The following LARP6 variants were observed in gnomAD, a reference collection of about 807,000 sequenced individuals.
The protein encoded by LARP6 is la-related protein 6.
In LARP6, 18 loss-of-function variants were observed where a neutral mutation model predicts 32.8. The observed-to-expected ratio is 0.55, with a 90% CI of 0.38 to 0.81. The LOEUF is 0.81. Among genes scored for constraint, LARP6 ranks in the 40% least tolerant of loss-of-function variants. The pLI, the probability that LARP6 is intolerant of heterozygous loss-of-function variation, is 0.00. For synonymous variants in LARP6, 289 were observed against 267.2 expected, an observed-to-expected ratio of 1.08 and a Z score of -0.80; for missense variants, 598 against 663.1, an observed-to-expected ratio of 0.90 and a Z score of 1.08.
At chr15:70,852,152 G>C in intron 1 of LARP6, 1 of 370,390 alleles carries the variant, frequency 2.7e-6, no homozygotes, top group Non-Finnish European at 5.4e-6. Context: ...TCCAAACAGG[G>C]GATAGTGTGG....
intron 1 of LARP6, chr15:70,851,508 A>T: frequency 6.9e-7 from 1 of 1,456,026 alleles, no homozygotes; most frequent in South Asian, 1.4e-5. Flanking sequence ...TAGGTATGGA[A>T]ATACAAAAAG....
At chr15:70,839,791 A>G (rs938632684) in intron 1 of LARP6, among the ~76,000 whole-genome samples, 7 of 152,146 alleles carry the variant, frequency 4.6e-5, no homozygotes, top group African/African-American at 1.7e-4. Flanking sequence ...ACTTAATGTT[A>G]TGGCCACTAA....
intron 1 of LARP6, among the ~76,000 whole-genome samples, chr15:70,844,748 GTAGTTATTTAT>G (rs1214009453): frequency 1.3e-5 from 2 of 152,018 alleles, no homozygotes; most frequent in Admixed American, 1.3e-4. Flanking sequence ...TTAAATTTTA[GTAGTTATTTAT>G]TTAGTTTCTA....
intron 1 of LARP6, among the ~76,000 whole-genome samples, chr15:70,846,851 G>A (rs1294596040): frequency 1.3e-5 from 2 of 152,148 alleles, no homozygotes; most frequent in Non-Finnish European, 2.9e-5. Context: ...GTCTCTGAAT[G>A]CCTTGCTCCT....
rs373461820 is a variant in LARP6, at chr15:70,836,867, G to A, written c.201-362C>T. ...TGGATCCATTTCTAGTACTTTCAGA[G>A]GGCGCATGGCCCTATTCACACCTTG... On this transcript the variant is annotated intron_variant, in intron 1 of 2. Coordinates refer to ENST00000299213, the MANE Select transcript of LARP6 (RefSeq NM_018357.4). Among the ~76,000 whole-genome samples the A allele has an allele frequency of 5.8e-4, 88 of 152,244 alleles. No individual in the cohort carries two copies. The South Asian group carries it at 0.017, about 29-fold the overall frequency.
In LARP6 at chr15:70,832,945, G is replaced by A. The variant is rs747553370; in HGVS notation, c.583C>T (p.Pro195Ser). The A allele has an allele frequency of 6.2e-7, 1 of 1,605,934 alleles. No homozygotes were observed. The highest frequency in any genetic ancestry group is 1.1e-5 in the South Asian group (1 of 89,846). The change falls in exon 3 of 3, where the codon CCT (proline) becomes TCT (serine). Residue 195 changes from proline to serine, a missense_variant. Around this residue, in one of 3 missense-constraint regions of LARP6, gnomAD observed 368 missense variants for 397.9 expected, o/e 0.92. Transcript: ENST00000299213. ...MLLVYDLYLS[P>S]KLWALATPQK... ...GGGGTGGCCAGAGCCCACAGCTTAG[G>A]AGACAAGTAGAGATCATAGACCAGG...
In LARP6 at chr15:70,830,397, AC is replaced by A. The variant is rs2060498794; in HGVS notation, c.*1654del. The A allele has an allele frequency of 6.6e-6, 1 of 152,248 alleles. No individual in the cohort carries two copies. The highest frequency in any genetic ancestry group is 2.4e-5 in the African/African-American group (1 of 41,460). 9.4% of individuals were successfully genotyped at this position (152,248 alleles called of 1,614,324 possible). On this transcript the variant is annotated 3_prime_UTR_variant, in exon 3 of 3. Coordinates refer to ENST00000299213, the MANE Select transcript of LARP6 (RefSeq NM_018357.4). ...ACTGAGAGTAAGTGAAATGTGTCTA[AC>A]CCAATGCCTAGCACGTAGGAAGGTG... is the stretch of plus-strand genomic sequence containing the variant.
intron 1 of LARP6, among the ~76,000 whole-genome samples, chr15:70,838,912 CA>C (rs1555422818): frequency 1.3e-3 from 132 of 102,888 alleles, no homozygotes; most frequent in African/African-American, 4.0e-3. Context: ...CTCAGCCTCA[CA>C]AAAAAAAAAA....
intron 1 of LARP6, chr15:70,851,653 C>CTGTGCTAGG (rs775098199): frequency 1.4e-5 from 22 of 1,613,748 alleles, no homozygotes; most frequent in Non-Finnish European, 8.5e-6. Flanking sequence ...GTGCTGGGTG[C>CTGTGCTAGG]TGTGCTAGGT....
chr15:70,832,262 G>C lies in LARP6; in HGVS notation c.1266C>G (p.Asp422Glu), dbSNP rs1231358661. Residue 422 changes from aspartate to glutamate, a missense_variant, in exon 3 of 3, where the codon GAC becomes GAG. Coordinates refer to ENST00000299213, the MANE Select transcript of LARP6 (RefSeq NM_018357.4). ...IFRKCMDYSS[D>E]SSVTPSGSPW... Reference sequence around the variant, plus strand: ...GGCTGCCAGAGGGAGTGACGCTGCTGTCAGAGGAATAATCCATACACTTGC... The same window carrying C: ...GGCTGCCAGAGGGAGTGACGCTGCTCTCAGAGGAATAATCCATACACTTGC... The C allele has an allele frequency of 6.2e-7, 1 of 1,614,234 alleles. No homozygotes were observed. The highest frequency in any genetic ancestry group is 2.2e-5 in the East Asian group (1 of 44,870).
Position 70,853,890 on chromosome 15 carries a change from T to C in LARP6, c.199A>G (p.Ser67Gly), listed in dbSNP as rs1029688069. 3.6e-5 allele frequency: 47 copies of C among 1,301,722 alleles called. No individual in the cohort carries two copies. The Admixed American group carries it at 7.5e-4, about 21-fold the overall frequency. The allele number at this position is 1,301,722 out of a possible 1,614,324, so 80.6% of individuals were successfully genotyped here. The change falls in exon 1 of 3, where the codon AGT (serine) becomes GGT (glycine). Residue 67 changes from serine (S) to glycine (G), a missense_variant and splice_region_variant. Physicochemically the swap from Ser to Gly is moderately conservative, Grantham distance 56. Transcript: ENST00000299213. ...ASEEEPSRGH[S>G]GTTASGGENE... Reference sequence around the variant, plus strand: ...TCCCGGGCCAGCCGCCGCGCCTACCTGTGCCCGCGGCTCGGCTCCTCCTCG... The same window carrying C: ...TCCCGGGCCAGCCGCCGCGCCTACCCGTGCCCGCGGCTCGGCTCCTCCTCG...
At chr15:70,835,613 G>A (rs748733282) in intron 2 of LARP6, among the ~76,000 whole-genome samples, 6 of 152,172 alleles carry the variant, frequency 3.9e-5, no homozygotes, top group East Asian at 1.9e-4. Context: ...GCAACAGGCC[G>A]CGTAGTGCTT....
chr15:70,843,649 CTTTTTTTTTTTT>C (rs67996815), intron 1 of LARP6, among the ~76,000 whole-genome samples: 1,592 of 80,742 alleles, frequency 0.02, 48 homozygotes, highest in African/African-American at 0.067. Context: ...GTTTTGGTGT[CTTTTTTTTTTTT>C]TTTTTTTTTT....
chr15:70,840,733 A>G (rs956314942), intron 1 of LARP6, among the ~76,000 whole-genome samples: 5 of 152,106 alleles, frequency 3.3e-5, no homozygotes, highest in African/African-American at 1.2e-4. Flanking sequence ...GGTCTAACTT[A>G]CTACAAATAG....
intron 1 of LARP6, among the ~76,000 whole-genome samples, chr15:70,845,705 T>C (rs1483284790): frequency 6.6e-6 from 1 of 152,216 alleles, no homozygotes; most frequent in Admixed American, 6.5e-5. Context: ...AGACAAAAGG[T>C]ACATGCTGCT....
At chr15:70,851,875 G>A in intron 1 of LARP6, 4 of 1,237,470 alleles carry the variant, frequency 3.2e-6, no homozygotes, top group Non-Finnish European at 4.5e-6. Flanking sequence ...TTTAAAGGCT[G>A]ACTAGAAATC....
chr15:70,845,385 A>C (rs144981383), intron 1 of LARP6, among the ~76,000 whole-genome samples: 64 of 152,288 alleles, frequency 4.2e-4, no homozygotes, highest in African/African-American at 1.4e-3. Context: ...ATTTTGTGGA[A>C]TGTCCCTCAA....
chr15:70,853,233 C>T (rs2032531656), intron 1 of LARP6: 1 of 143,528 alleles, frequency 7.0e-6, no homozygotes, highest in Non-Finnish European at 1.5e-5. Context: ...CCGCCCCCCG[C>T]AAGGCAGCAA....
intron 1 of LARP6, among the ~76,000 whole-genome samples, chr15:70,838,411 A>T (rs902802114): frequency 3.3e-5 from 5 of 152,212 alleles, no homozygotes; most frequent in African/African-American, 1.2e-4. Flanking sequence ...TCGCTAATTC[A>T]TAAGAGGCAG....
Sources: allele counts gnomAD v4.1 joint callset (sites outside exome capture counted in the v4.1 genomes callset), GRCh38; gene constraint gnomAD v4.1.1; regional missense constraint gnomAD v4.1.1; transcripts MANE v1.5; gene names NCBI Gene and HGNC (gene_info 2026-07-23, HGNC 2026-07-21).